MPPED1: variants seen among roughly 807,000 people sequenced by gnomAD.
The protein encoded by MPPED1 is metallophosphoesterase domain-containing protein 1.
MPPED1 carries 16 observed loss-of-function variants against 36.2 expected under a neutral mutation model. The ratio of observed to expected loss-of-function variants is 0.44; its 90% CI spans 0.30 to 0.67. The LOEUF (loss-of-function observed/expected upper bound fraction) is 0.67. Among genes scored for constraint, MPPED1 ranks in the 30% least tolerant of loss-of-function variants. The pLI is 0.10. For missense variants in MPPED1, 307 were observed against 453.4 expected (o/e 0.68, Z 2.93); for synonymous variants, 199 against 191.3 (o/e 1.04, Z -0.33).
intron 3 of MPPED1, among the ~76,000 whole-genome samples, chr22:43,447,884 T>TATA (rs1491157280): frequency 0.087 from 4,021 of 46,086 alleles, 132 homozygotes; most frequent in East Asian, 0.21. Flanking sequence ...TATATATATA[T>TATA]TTTTTTTTTT....
intron 3 of MPPED1, among the ~76,000 whole-genome samples, chr22:43,463,255 GT>G (rs1931016113): frequency 6.6e-6 from 1 of 150,550 alleles, no homozygotes; most frequent in South Asian, 2.1e-4. Context: ...CTCATCTCCA[GT>G]TTTTTCTTCC....
intron 4 of MPPED1, among the ~76,000 whole-genome samples, chr22:43,484,926 G>A (rs1295901499): frequency 2.0e-5 from 3 of 152,162 alleles, no homozygotes; most frequent in Admixed American, 1.3e-4. Flanking sequence ...AGAATTCTGA[G>A]CCCAACGTGC....
At chr22:43,490,602 C>T (rs1278846273) in intron 4 of MPPED1, among the ~76,000 whole-genome samples, 1 of 152,188 alleles carries the variant, frequency 6.6e-6, no homozygotes, top group African/African-American at 2.4e-5. Context: ...TGCCCCCTGC[C>T]GTGGCTCTCG....
rs1399295631 is a variant in MPPED1 at position 43,502,611 on chromosome 22, C to T, written c.749-33C>T. ...GGCAGTGAGGGGCTGGGACAGACCG[C>T]GTCATGGCCTCCTGTTGTCTCCCCC... is the stretch of plus-strand genomic sequence containing the variant. On this transcript the variant is annotated intron_variant, in intron 5 of 6. Coordinates refer to ENST00000443721, the MANE Select transcript of MPPED1 (RefSeq NM_001044370.2). The surrounding 1 kb of genome is among the most constrained non-coding windows in gnomAD (Gnocchi z 5.5). The T allele has an allele frequency of 2.5e-6, 4 of 1,571,336 alleles. No homozygotes were observed. Among genetic ancestry groups the T allele is most frequent in the Non-Finnish European group, 2.6e-6 (3 of 1,142,346 alleles).
chr22:43,431,894 C>T (rs1929700232), intron 2 of MPPED1, among the ~76,000 whole-genome samples: 2 of 152,182 alleles, frequency 1.3e-5, no homozygotes, highest in African/African-American at 2.4e-5. Context: ...TCTGCCTCTT[C>T]GCTGTGCTCC....
At chr22:43,476,348 T>TG (rs1025732755) in intron 4 of MPPED1, among the ~76,000 whole-genome samples, 2 of 151,712 alleles carry the variant, frequency 1.3e-5, no homozygotes, top group South Asian at 4.2e-4. Flanking sequence ...CTGGAGGAGG[T>TG]GGGGTAACCT....
At chr22:43,430,580 G>T (rs997301440) in intron 2 of MPPED1, among the ~76,000 whole-genome samples, 1 of 152,142 alleles carries the variant, frequency 6.6e-6, no homozygotes, top group Non-Finnish European at 1.5e-5. Context: ...GGTGTAGGCT[G>T]GGGAGAGCTT....
At chr22:43,426,658 C>T (rs1929487024) in intron 2 of MPPED1, among the ~76,000 whole-genome samples, 1 of 152,200 alleles carries the variant, frequency 6.6e-6, no homozygotes, top group Admixed American at 6.5e-5. Flanking sequence ...CTCCCTCAGG[C>T]CTGGCCTCTG....
chr22:43,425,165 C>T lies in MPPED1; in HGVS notation c.180C>T (p.Phe60=). The part of the protein sequence containing the change: ...YSSNPTQAFT[F]YNINQGRFQP... ...CCAACCCCACCCAGGCCTTCACCTT[C>T]TACAACATCAACCAGGGCCGCTTCC... The change falls in exon 2 of 7, where the codon TTC becomes TTT. Residue 60 remains phenylalanine, a synonymous_variant. Transcript: ENST00000443721. 1 of 1,593,288 alleles carries T rather than the reference C, an allele frequency of 6.3e-7. No homozygotes were observed. The highest frequency in any genetic ancestry group is 1.1e-5 in the South Asian group (1 of 90,818).
intron 3 of MPPED1, among the ~76,000 whole-genome samples, chr22:43,468,167 A>G (rs1048013835): frequency 2.6e-5 from 4 of 152,260 alleles, no homozygotes; most frequent in Admixed American, 2.6e-4. Context: ...TGTCTTTGCA[A>G]CAAGAAATCC....
At chr22:43,444,518 C>T (rs745594254) in intron 3 of MPPED1, among the ~76,000 whole-genome samples, 3 of 151,962 alleles carry the variant, frequency 2.0e-5, no homozygotes, top group Non-Finnish European at 4.4e-5. Context: ...AGGAGCCAGC[C>T]ACCATGCCTA....
chr22:43,472,691 A>C (rs6519378), intron 3 of MPPED1, among the ~76,000 whole-genome samples: 36,629 of 152,198 alleles, frequency 0.24, 6,777 homozygotes, highest in African/African-American at 0.53. Flanking sequence ...TGTTCTGAAG[A>C]AAACTTCTGT....
At chr22:43,496,976 G>A (rs1932421224) in intron 4 of MPPED1, among the ~76,000 whole-genome samples, 1 of 140,848 alleles carries the variant, frequency 7.1e-6, no homozygotes, top group Non-Finnish European at 1.5e-5. Flanking sequence ...GGTAGTGGTG[G>A]TGGAGGTAGT....
intron 4 of MPPED1, among the ~76,000 whole-genome samples, chr22:43,492,798 AG>A (rs1224780626): frequency 3.3e-5 from 5 of 151,946 alleles, no homozygotes; most frequent in African/African-American, 1.2e-4. Flanking sequence ...CTTGGCTGGT[AG>A]GGGACTGGGG....
intron 1 of MPPED1, among the ~76,000 whole-genome samples, chr22:43,414,397 G>GA (rs571481248): frequency 1.9e-4 from 29 of 152,220 alleles, no homozygotes; most frequent in African/African-American, 6.7e-4. Flanking sequence ...GCATTAAGGA[G>GA]AAAAATCAGC....
intron 3 of MPPED1, among the ~76,000 whole-genome samples, chr22:43,463,843 CTT>C (rs886077801): frequency 8.2e-6 from 1 of 121,734 alleles, no homozygotes; most frequent in Admixed American, 8.7e-5. Flanking sequence ...TTCTTTCTTT[CTT>C]TCTTTCTTTC....
intron 3 of MPPED1, among the ~76,000 whole-genome samples, chr22:43,452,619 C>A (rs1158293135): frequency 6.6e-6 from 1 of 152,094 alleles, no homozygotes; most frequent in Non-Finnish European, 1.5e-5. Flanking sequence ...AAACCCTTGG[C>A]TTTAGGAATA....
At position 43,499,384 on chromosome 22, in the gene MPPED1, G is replaced by T. The variant is rs1459018672; in HGVS notation, c.748+1034G>T. Among the ~76,000 whole-genome samples, 6 of 133,512 alleles carry T rather than the reference G, an allele frequency of 4.5e-5. No individual in the cohort carries two copies. The East Asian group carries it at 1.0e-3, about 23-fold the overall frequency. The allele number at this position is 133,512 out of a possible 152,430, so 87.6% of individuals were successfully genotyped here. ...GGAGGTGGTGGTGATGGTGATGGGGGTGGTGATGGATGTGATGGTGGTGGT... is the reference window on the plus strand; with the variant it reads ...GGAGGTGGTGGTGATGGTGATGGGGTTGGTGATGGATGTGATGGTGGTGGT... On this transcript the variant is annotated intron_variant, in intron 5 of 6. Coordinates refer to ENST00000443721, the MANE Select transcript of MPPED1 (RefSeq NM_001044370.2).
chr22:43,464,555 G>A (rs1325151283), intron 3 of MPPED1, among the ~76,000 whole-genome samples: 1 of 152,116 alleles, frequency 6.6e-6, no homozygotes, highest in Non-Finnish European at 1.5e-5. Context: ...TGGAGTTTTT[G>A]TGTGACCCTG....
Sources: gnomAD v4.1 joint callset for allele counts (sites outside exome capture counted in the v4.1 genomes callset) on GRCh38, gnomAD v4.1.1 for gene constraint, Gnocchi (gnomAD v3.1) non-coding constraint, MANE v1.5 for transcripts, NCBI Gene and HGNC (gene_info 2026-07-23, HGNC 2026-07-21) for gene names.